MED13L: variants seen among roughly 807,000 people sequenced by gnomAD.
MED13L encodes mediator of RNA polymerase II transcription subunit 13-like.
Under a neutral mutation model 220.9 loss-of-function variants are expected in MED13L, and 7 were observed. That is an observed-to-expected ratio of 0.03 (90% confidence interval 0.02 to 0.06). The LOEUF is 0.06. MED13L is among the 10% of genes least tolerant of loss of function. MED13L has a pLI of 1.00. For missense variants in MED13L, 1,965 were observed against 2,760.5 expected (o/e 0.71, Z 6.46); for synonymous variants, 1,011 against 1,015.2 (o/e 1.00, Z 0.08).
Position 116,009,107 on chromosome 12 carries a change from C to T in MED13L, c.1306G>A (p.Val436Ile), listed in dbSNP as rs1456066536. The change falls in exon 10 of 31, where the codon GTC becomes ATC. Residue 436 changes from valine (V) to isoleucine (I), a missense_variant. Around this residue, in one of 10 missense-constraint regions of MED13L, gnomAD observed 818 missense variants for 1,041.2 expected, o/e 0.79. Transcript: ENST00000281928. Reference sequence around the variant, plus strand: ...ACTGTGGGAGGTCGATTGGGCCCGACTGCACAACGTTTTAAAAGCTTATGC... The same window carrying T: ...ACTGTGGGAGGTCGATTGGGCCCGATTGCACAACGTTTTAAAAGCTTATGC... ...SRHKLLKRCA[V>I]GPNRPPTVSQ... 1.9e-6 allele frequency: 3 copies of T among 1,613,956 alleles called. No individual in the cohort carries two copies. The highest frequency in any genetic ancestry group is 2.5e-6 in the Non-Finnish European group (3 of 1,179,980).
intron 3 of MED13L, among the ~76,000 whole-genome samples, chr12:116,105,725 G>C (rs922053704): frequency 1.3e-5 from 2 of 152,140 alleles, no homozygotes; most frequent in Admixed American, 1.3e-4. Context: ...TCAATTAATA[G>C]GTATGGCAGA....
chr12:116,170,204 T>C (rs1879572728), intron 2 of MED13L, among the ~76,000 whole-genome samples: 1 of 152,200 alleles, frequency 6.6e-6, no homozygotes, highest in African/African-American at 2.4e-5. Flanking sequence ...CAATTATTAA[T>C]GCCACCAATA....
intron 2 of MED13L, among the ~76,000 whole-genome samples, chr12:116,212,577 G>C (rs993477973): frequency 2.4e-4 from 37 of 151,992 alleles, no homozygotes; most frequent in Non-Finnish European, 1.5e-5. Context: ...CATAAATACA[G>C]CACATATGGA....
chr12:116,108,653 G>A (rs538306324), intron 3 of MED13L, among the ~76,000 whole-genome samples: 2 of 152,138 alleles, frequency 1.3e-5, no homozygotes, highest in Non-Finnish European at 2.9e-5. Context: ...AAAAGAATCT[G>A]AAGTCATCCA....
intron 16 of MED13L, among the ~76,000 whole-genome samples, chr12:115,994,803 A>T (rs1878294417): frequency 6.6e-6 from 1 of 152,192 alleles, no homozygotes; most frequent in Admixed American, 6.5e-5. Context: ...ATCGGAGCAC[A>T]GCAGCAGCAC....
intron 3 of MED13L, among the ~76,000 whole-genome samples, chr12:116,100,931 A>G (rs1873018705): frequency 6.6e-6 from 1 of 152,134 alleles, no homozygotes; most frequent in South Asian, 2.1e-4. Context: ...AAACAACAAC[A>G]ACAAAAATTA....
chr12:116,009,461 T>C (rs1306844822), intron 9 of MED13L, among the ~76,000 whole-genome samples: 2 of 152,098 alleles, frequency 1.3e-5, no homozygotes. Flanking sequence ...CTTAAAACCA[T>C]GAGAGTAGAG....
At chr12:116,083,404 G>GAAAAA (rs61301423) in intron 4 of MED13L, among the ~76,000 whole-genome samples, 3 of 79,378 alleles carry the variant, frequency 3.8e-5, no homozygotes, top group African/African-American at 4.7e-5. Context: ...TGTCTCGAGG[G>GAAAAA]AAAAAAAAAA....
At chr12:116,102,664 A>C (rs1873152459) in intron 3 of MED13L, among the ~76,000 whole-genome samples, 1 of 147,970 alleles carries the variant, frequency 6.8e-6, no homozygotes, top group Admixed American at 6.7e-5. Context: ...GGCTGAAGAA[A>C]CCTTTCCCGA....
intron 4 of MED13L, among the ~76,000 whole-genome samples, chr12:116,075,919 T>TC (rs1164856989): frequency 3.3e-5 from 5 of 150,810 alleles, no homozygotes; most frequent in Admixed American, 1.3e-4. Context: ...GATTTTTTTT[T>TC]TTTTTTTTTT....
intron 4 of MED13L, among the ~76,000 whole-genome samples, chr12:116,030,555 A>C (rs1199278902): frequency 6.6e-6 from 1 of 152,158 alleles, no homozygotes; most frequent in Non-Finnish European, 1.5e-5. Context: ...TATTATTAAT[A>C]AAATAGGAAA....
chr12:116,217,921 TG>T (rs1883097992), intron 2 of MED13L, among the ~76,000 whole-genome samples: 1 of 152,198 alleles, frequency 6.6e-6, no homozygotes, highest in South Asian at 2.1e-4. Flanking sequence ...ATTAAGTTTC[TG>T]GAAAAAATGA....
intron 20 of MED13L, among the ~76,000 whole-genome samples, 165 bp downstream of exon 20, chr12:115,984,015 T>C (rs945904112): frequency 6.6e-6 from 1 of 152,192 alleles, no homozygotes. Flanking sequence ...TATATGTCCA[T>C]ATAGAAATTA....
Position 116,267,292 on chromosome 12 carries a change from G to A in MED13L, c.72+9768C>T, listed in dbSNP as rs187655801. 3.3e-5 allele frequency among the ~76,000 whole-genome samples: 5 copies of A among 152,280 alleles called. No individual in the cohort carries two copies. In the East Asian group the frequency reaches 7.7e-4, roughly 23 times the overall value. On this transcript the variant is annotated intron_variant, in intron 1 of 30. Transcript: ENST00000281928. ...GTTAAAAACTAAAAATGAATTTCAA[G>A]TTTTTCTTCTCAATCTTGGCTTATT...
At chr12:116,271,268 C>T (rs951116022) in intron 1 of MED13L, among the ~76,000 whole-genome samples, 2 of 151,800 alleles carry the variant, frequency 1.3e-5, no homozygotes, top group African/African-American at 2.4e-5. Flanking sequence ...TACCCAACTA[C>T]CTCACTTTGA....
Position 115,961,055 on chromosome 12 carries a change from G to T in MED13L, c.*211C>A. The T allele has an allele frequency of 3.0e-6, 2 of 668,890 alleles. No individual in the cohort carries two copies. The highest frequency in any genetic ancestry group is 5.1e-6 in the Non-Finnish European group (2 of 390,732). The allele number at this position is 668,890 out of a possible 1,614,324, so 41.4% of individuals were successfully genotyped here. On this transcript the variant is annotated 3_prime_UTR_variant, in exon 31 of 31. Transcript: ENST00000281928. ...TGGCTGAAAGTCACCACTTATGGAA[G>T]TTTCCAGGTCCATGAGAGAAGTGTC...
rs1260887370 is a variant in MED13L, at chr12:116,005,920, G to A, written c.2418C>T (p.Ser806=). Reference sequence around the variant, plus strand: ...CAAAGATGTTGTCTAAGTCATGCAGGGAAGGTGCCAAATCTGTTACCTGTG... The same window carrying A: ...CAAAGATGTTGTCTAAGTCATGCAGAGAAGGTGCCAAATCTGTTACCTGTG... ...SLTQVTDLAP[S]LHDLDNIFDN... The change falls in exon 13 of 31, where the codon TCC becomes TCT. Residue 806 remains serine, a synonymous_variant. Coordinates refer to ENST00000281928, the MANE Select transcript of MED13L (RefSeq NM_015335.5). The A allele has an allele frequency of 6.2e-7, 1 of 1,614,000 alleles. No individual in the cohort carries two copies. The highest frequency in any genetic ancestry group is 8.5e-7 in the Non-Finnish European group (1 of 1,179,896).
At chr12:116,160,757 AT>A (rs112094891) in intron 2 of MED13L, among the ~76,000 whole-genome samples, 535 of 140,234 alleles carry the variant, frequency 3.8e-3, no homozygotes, top group African/African-American at 0.01. Context: ...TTTATTTTTT[AT>A]TTTTTTTTTT....
chr12:116,199,204 A>G (rs947382310), intron 2 of MED13L, among the ~76,000 whole-genome samples: 2 of 152,026 alleles, frequency 1.3e-5, no homozygotes, highest in Non-Finnish European at 2.9e-5. Flanking sequence ...CTTCTGTCCA[A>G]TATCAGTTTT....
Sources: gnomAD v4.1 joint callset for allele counts (sites outside exome capture counted in the v4.1 genomes callset) on GRCh38, gnomAD v4.1.1 for gene constraint, gnomAD v4.1.1 regional missense constraint, MANE v1.5 for transcripts, NCBI Gene and HGNC (gene_info 2026-07-23, HGNC 2026-07-21) for gene names.